TCF12: variants seen among roughly 807,000 people sequenced by gnomAD.
TCF12 encodes the protein DNA-binding protein HTF4.
A neutral mutation model predicts 86.0 loss-of-function variants in TCF12; 45 were observed. That is an observed-to-expected ratio of 0.52 (90% CI 0.41 to 0.67). The LOEUF (loss-of-function observed/expected upper bound fraction) is 0.67. Among genes scored for constraint, TCF12 ranks in the 30% least tolerant of loss-of-function variants. TCF12 has a pLI of 0.00. For missense variants in TCF12, 881 were observed against 859.9 expected, an observed-to-expected ratio of 1.02 and a Z score of -0.31; for synonymous variants, 330 against 299.6, an observed-to-expected ratio of 1.10 and a Z score of -1.05.
At chr15:57,228,849 A>G (rs1359169819) in intron 8 of TCF12, among the ~76,000 whole-genome samples, 1 of 152,064 alleles carries the variant, frequency 6.6e-6, no homozygotes, top group Non-Finnish European at 1.5e-5. Context: ...AATTATGTCC[A>G]TTTTTGTGTG....
chr15:57,093,821 T>C (rs543144532), intron 5 of TCF12, among the ~76,000 whole-genome samples: 7 of 152,338 alleles, frequency 4.6e-5, no homozygotes, highest in Non-Finnish European at 7.3e-5. Context: ...TGTAAGTAGA[T>C]TGATCTCTTA....
chr15:56,978,512 G>A (rs2062728674), intron 3 of TCF12, among the ~76,000 whole-genome samples: 2 of 152,102 alleles, frequency 1.3e-5, no homozygotes, highest in African/African-American at 4.8e-5. Flanking sequence ...TTAGGGAAAC[G>A]TATTTGCCAG....
At chr15:57,048,328 C>T (rs1170866337) in intron 3 of TCF12, among the ~76,000 whole-genome samples, 1 of 152,130 alleles carries the variant, frequency 6.6e-6, no homozygotes, top group Non-Finnish European at 1.5e-5. Flanking sequence ...GTGGCGCGAT[C>T]TCGGCTCACT....
intron 8 of TCF12, among the ~76,000 whole-genome samples, chr15:57,211,862 G>A (rs2058115442): frequency 6.6e-6 from 1 of 152,194 alleles, no homozygotes; most frequent in Admixed American, 6.5e-5. Context: ...GCTTAGGCAT[G>A]AGAATGGCTT....
chr15:57,258,282 T>C (rs2060439556), intron 16 of TCF12, among the ~76,000 whole-genome samples: 1 of 151,954 alleles, frequency 6.6e-6, no homozygotes, highest in Admixed American at 6.5e-5. Flanking sequence ...CCTGTATCAA[T>C]TTAAAAAAAA....
chr15:56,970,208 G>A (rs1175282802), intron 3 of TCF12, among the ~76,000 whole-genome samples: 1 of 152,158 alleles, frequency 6.6e-6, no homozygotes, highest in Non-Finnish European at 1.5e-5. Flanking sequence ...ACAGCTGGGA[G>A]TGGTGGCTCA....
intron 3 of TCF12, among the ~76,000 whole-genome samples, chr15:57,035,286 T>C (rs577285582): frequency 1.3e-5 from 2 of 152,168 alleles, no homozygotes; most frequent in African/African-American, 4.8e-5. Context: ...ATTTTAGAGA[T>C]AGTGTCTTGC....
chr15:57,067,803 C>A (rs771021046), intron 4 of TCF12, among the ~76,000 whole-genome samples: 84 of 152,074 alleles, frequency 5.5e-4, no homozygotes, highest in Admixed American at 1.2e-3. Context: ...AATAGCACTT[C>A]CAGTTTTAGA....
At chr15:56,988,949 A>G (rs891243070) in intron 3 of TCF12, among the ~76,000 whole-genome samples, 1 of 152,134 alleles carries the variant, frequency 6.6e-6, no homozygotes, top group Non-Finnish European at 1.5e-5. Flanking sequence ...TTTGGTCTAT[A>G]TTTTCTTTTA....
intron 5 of TCF12, among the ~76,000 whole-genome samples, chr15:57,129,484 T>C (rs1218583543): frequency 6.6e-6 from 1 of 151,954 alleles, no homozygotes; most frequent in Non-Finnish European, 1.5e-5. Context: ...CCTGGGGAGG[T>C]CAAGGCTGCA....
At chr15:57,197,903 C>A in intron 8 of TCF12, 78 bp downstream of exon 8, 2 of 1,435,260 alleles carry the variant, frequency 1.4e-6, no homozygotes, top group Non-Finnish European at 1.9e-6. Context: ...TACAAGGGTA[C>A]ATTCGATTGA....
chr15:57,049,297 T>G (rs1422098937), intron 3 of TCF12, among the ~76,000 whole-genome samples: 1 of 152,236 alleles, frequency 6.6e-6, no homozygotes, highest in Non-Finnish European at 1.5e-5. Context: ...TCAGTGGATT[T>G]ATTTTATAGA....
chr15:57,157,772 A>G (rs2054218184), intron 5 of TCF12, among the ~76,000 whole-genome samples: 1 of 152,062 alleles, frequency 6.6e-6, no homozygotes, highest in African/African-American at 2.4e-5. Context: ...TATGTTGGCT[A>G]GGCTGGTCTT....
chr15:56,966,273 G>T (rs1001560663), intron 3 of TCF12, among the ~76,000 whole-genome samples: 8 of 151,990 alleles, frequency 5.3e-5, no homozygotes, highest in African/African-American at 1.9e-4. Flanking sequence ...GCTAGGTTTT[G>T]CCATTAATTT....
chr15:57,099,333 G>C (rs916306160), intron 5 of TCF12, among the ~76,000 whole-genome samples: 1 of 152,110 alleles, frequency 6.6e-6, no homozygotes, highest in African/African-American at 2.4e-5. Flanking sequence ...ACACTTTCCA[G>C]AGTACTCCTG....
chr15:57,226,428 A>G (rs2058882121), intron 8 of TCF12, among the ~76,000 whole-genome samples: 1 of 152,110 alleles, frequency 6.6e-6, no homozygotes, highest in African/African-American at 2.4e-5. Context: ...GCTGAATATA[A>G]TTTCTGTTAT....
chr15:57,238,857 A>G (rs1412287411), intron 12 of TCF12, among the ~76,000 whole-genome samples: 1 of 152,204 alleles, frequency 6.6e-6, no homozygotes, highest in Non-Finnish European at 1.5e-5. Flanking sequence ...GTGTGAAGTA[A>G]AAGAGCAGAG....
At chr15:57,147,104 T>C (rs2053413741) in intron 5 of TCF12, among the ~76,000 whole-genome samples, 1 of 152,184 alleles carries the variant, frequency 6.6e-6, no homozygotes, top group Non-Finnish European at 1.5e-5. Context: ...GCATAAAACA[T>C]AAGGGCCTTC....
intron 3 of TCF12, among the ~76,000 whole-genome samples, chr15:56,952,666 A>G (rs960758875): frequency 6.6e-6 from 1 of 152,144 alleles, no homozygotes; most frequent in Admixed American, 6.5e-5. Flanking sequence ...TTAAAAATTC[A>G]ATTTCTGATT....
Sources: allele counts gnomAD v4.1 joint callset (sites outside exome capture counted in the v4.1 genomes callset), GRCh38; gene constraint gnomAD v4.1.1; transcripts MANE v1.5; gene names NCBI Gene and HGNC (gene_info 2026-07-23, HGNC 2026-07-21).